The following SAFB variants were observed in gnomAD, a reference collection of about 807,000 sequenced individuals.
SAFB encodes scaffold attachment factor B, also known as scaffold attachment factor B1.
In SAFB, 15 loss-of-function variants were observed where a neutral mutation model predicts 101.6. The observed-to-expected ratio is 0.15, with a 90% CI of 0.10 to 0.23. The LOEUF (loss-of-function observed/expected upper bound fraction) is 0.23. SAFB is among the 10% of genes least tolerant of loss of function. SAFB has a pLI of 1.00. For missense variants in SAFB, 930 were observed against 1,104.1 expected (o/e 0.84, Z 2.23); for synonymous variants, 449 against 407.5 (o/e 1.10, Z -1.23).
chr19:5,659,246 A>C (rs2054138658), intron 14 of SAFB, among the ~76,000 whole-genome samples: 1 of 151,316 alleles, frequency 6.6e-6, no homozygotes, highest in Non-Finnish European at 1.5e-5. Flanking sequence ...TGGAGGTTGC[A>C]GTGAGCCAAG....
At chr19:5,661,213 G>A (rs772518277) in intron 14 of SAFB, among the ~76,000 whole-genome samples, 10 of 152,058 alleles carry the variant, frequency 6.6e-5, no homozygotes, top group Non-Finnish European at 1.3e-4. Flanking sequence ...GAGCCACCGC[G>A]CCCGGCCTGT....
chr19:5,654,585 C>A, intron 13 of SAFB, 129 bp downstream of exon 13: 1 of 703,610 alleles, frequency 1.4e-6, no homozygotes, highest in Non-Finnish European at 2.6e-6. Flanking sequence ...ATGTAGAAAT[C>A]TCAAACTATT....
At chr19:5,626,158 G>A (rs2053354667) in intron 1 of SAFB, among the ~76,000 whole-genome samples, 1 of 152,152 alleles carries the variant, frequency 6.6e-6, no homozygotes, top group African/African-American at 2.4e-5. Context: ...ATGTTCCAGA[G>A]GAAGAAGCAA....
chr19:5,659,086 G>A (rs1221589439), intron 14 of SAFB, among the ~76,000 whole-genome samples: 2 of 151,686 alleles, frequency 1.3e-5, no homozygotes, highest in African/African-American at 2.4e-5. Context: ...AGGTTGCAGT[G>A]AGCCGAGATT....
In SAFB at chr19:5,667,389, C is replaced by T. The variant is rs143059819; in HGVS notation, c.2496C>T (p.Asp832=). 32 of 1,511,556 alleles carry T rather than the reference C, an allele frequency of 2.1e-5. No homozygotes were observed. In the African/African-American group the frequency reaches 4.4e-4, roughly 21 times the overall value. 93.6% of individuals were successfully genotyped at this position (1,511,556 alleles called of 1,614,324 possible). A position where few individuals can be genotyped will look rare whatever the true frequency, so the allele number is the denominator to read the frequency against. The change falls in exon 19 of 21, where the codon GAC becomes GAT. Residue 832 remains aspartate (D), a synonymous_variant. Coordinates refer to ENST00000588852, the MANE Select transcript of SAFB (RefSeq NM_001201338.2). This position sits in a 1 kb window ranked among gnomAD's most constrained non-coding sequence, Gnocchi z 4.0. ...GGGACCATGGCCGAAGAGAGGATGACCGGTCATGGCAGGGCACGGCCGACG... is the reference window on the plus strand; with the variant it reads ...GGGACCATGGCCGAAGAGAGGATGATCGGTCATGGCAGGGCACGGCCGACG... ...DWGDHGRRED[D]RSWQGTADGG...
At chr19:5,655,980 T>C (rs1050026756) in intron 13 of SAFB, among the ~76,000 whole-genome samples, 16 of 152,226 alleles carry the variant, frequency 1.1e-4, no homozygotes, top group Non-Finnish European at 2.4e-4. Flanking sequence ...GTTTTGATCT[T>C]ATATGAAGTT....
At chr19:5,666,950 CTG>C (rs1164388985) in intron 17 of SAFB, 94 bp from the exon 18 acceptor site, 26 of 814,252 alleles carry the variant, frequency 3.2e-5, no homozygotes, top group African/African-American at 3.0e-4. Flanking sequence ...TCCCGAGTGA[CTG>C]TCGTTGTCAT....
intron 4 of SAFB, 178 bp downstream of exon 4, chr19:5,642,124 T>C (rs765718923): frequency 2.8e-5 from 19 of 683,798 alleles, no homozygotes; most frequent in East Asian, 1.1e-4. Flanking sequence ...TGATGTCTTA[T>C]AACATTTCAT....
intron 2 of SAFB, among the ~76,000 whole-genome samples, chr19:5,627,393 A>T (rs1347610419): frequency 6.6e-6 from 1 of 152,060 alleles, no homozygotes; most frequent in Non-Finnish European, 1.5e-5. Context: ...ATTTGAACCC[A>T]GGAGTTCAGG....
At chr19:5,666,815 G>GA (rs1228448123) in intron 17 of SAFB, 3 of 596,902 alleles carry the variant, frequency 5.0e-6, no homozygotes, top group Admixed American at 5.8e-5. Flanking sequence ...ACCTGCCTTG[G>GA]AGATGCCTTG....
chr19:5,638,689 CT>C (rs151102746), intron 2 of SAFB, among the ~76,000 whole-genome samples: 2,433 of 117,526 alleles, frequency 0.021, 41 homozygotes, highest in East Asian at 0.036. Context: ...TTTTTAGTTT[CT>C]TTTTTTTTAT....
chr19:5,646,275 G>A (rs2053826779), intron 5 of SAFB, among the ~76,000 whole-genome samples: 1 of 152,152 alleles, frequency 6.6e-6, no homozygotes, highest in Non-Finnish European at 1.5e-5. Context: ...TGCCATGCAA[G>A]GGCAAGGGAG....
At position 5,667,216 on chromosome 19, in the gene SAFB, G is replaced by A; in HGVS notation, c.2453+52G>A. 2 of 1,291,672 alleles carry A rather than the reference G, an allele frequency of 1.5e-6. No individual in the cohort carries two copies. The highest frequency in any genetic ancestry group is 2.2e-6 in the Non-Finnish European group (2 of 928,894). 80.0% of individuals were successfully genotyped at this position (1,291,672 alleles called of 1,614,324 possible). ...TGACCCCCCCCCCGCCCACAAGGGGGCCCGCAAGTCGCTGGGATGTGGGCA... is the reference window on the plus strand; with the variant it reads ...TGACCCCCCCCCCGCCCACAAGGGGACCCGCAAGTCGCTGGGATGTGGGCA... On this transcript the variant is annotated intron_variant, in intron 18 of 20. Coordinates refer to ENST00000588852, the MANE Select transcript of SAFB (RefSeq NM_001201338.2). This position sits in a 1 kb window ranked among gnomAD's most constrained non-coding sequence, Gnocchi z 4.0.
At position 5,649,908 on chromosome 19, in the gene SAFB, A is replaced by C. The variant is rs542058887; in HGVS notation, c.1149-18A>C. 35 of 1,611,950 alleles carry C rather than the reference A, an allele frequency of 2.2e-5. No individual in the cohort carries two copies. The Admixed American group carries it at 5.8e-4, about 27-fold the overall frequency. On this transcript the variant is annotated intron_variant, in intron 7 of 20. Transcript: ENST00000588852. The stretch of plus-strand genomic sequence containing the variant: ...CCATGCTGCTTCCTTGTGGAGTGAC[A>C]TTGTCTTTTGTCTCTAGTTCTCCCG...
intron 2 of SAFB, among the ~76,000 whole-genome samples, chr19:5,628,196 A>T (rs1418815064): frequency 6.6e-6 from 1 of 152,054 alleles, no homozygotes; most frequent in Non-Finnish European, 1.5e-5. Flanking sequence ...GGTTGCACTG[A>T]GCCCAGATCG....
intron 4 of SAFB, among the ~76,000 whole-genome samples, chr19:5,643,631 C>A (rs1324231460): frequency 6.6e-6 from 1 of 152,110 alleles, no homozygotes; most frequent in Non-Finnish European, 1.5e-5. Context: ...AGCAGAAAAT[C>A]ATACATTCTG....
chr19:5,648,260 A>G (rs1599354333), intron 6 of SAFB: 1 of 553,858 alleles, frequency 1.8e-6, no homozygotes, highest in Non-Finnish European at 3.2e-6. Flanking sequence ...TACAAAATGT[A>G]TTGGTGAGAT....
intron 5 of SAFB, 42 bp downstream of exon 5, chr19:5,645,441 A>T: frequency 1.1e-6 from 1 of 930,370 alleles, no homozygotes; most frequent in Non-Finnish European, 1.8e-6. Flanking sequence ...ATGAAAGGTC[A>T]GACCACAATT....
chr19:5,647,616 C>A (rs377411994), intron 5 of SAFB, among the ~76,000 whole-genome samples: 1 of 152,142 alleles, frequency 6.6e-6, no homozygotes, highest in Admixed American at 6.5e-5. Flanking sequence ...CTCAGTCTTT[C>A]GAATATCAGA....
Sources: gnomAD v4.1 joint callset for allele counts (sites outside exome capture counted in the v4.1 genomes callset) on GRCh38, gnomAD v4.1.1 for gene constraint, Gnocchi (gnomAD v3.1) non-coding constraint, MANE v1.5 for transcripts, NCBI Gene and HGNC (gene_info 2026-07-23, HGNC 2026-07-21) for gene names.